GALNT13: variants seen among roughly 807,000 people sequenced by gnomAD.
The protein encoded by GALNT13 is UDP-GalNAc:polypeptide N-acetylgalactosaminyltransferase 13.
In GALNT13, 28 loss-of-function variants were observed where a neutral mutation model predicts 64.2. The observed-to-expected ratio is 0.44, with a 90% CI of 0.32 to 0.60. The LOEUF is 0.60. GALNT13 is among the 20% of genes least tolerant of loss of function. The probability of loss-of-function intolerance (pLI) is 0.05; values close to 1 mark genes in which losing one functional copy is unlikely to be tolerated. For missense variants in GALNT13, 577 were observed against 669.8 expected, an observed-to-expected ratio of 0.86 and a Z score of 1.53; for synonymous variants, 214 against 224.6, an observed-to-expected ratio of 0.95 and a Z score of 0.42.
At chr2:153,431,214 A>G in the GALNT13 span, among the ~76,000 whole-genome samples, 1 of 151,146 alleles carries the variant, frequency 6.6e-6, no homozygotes, top group Non-Finnish European at 1.5e-5. Flanking sequence ...GACAATTTTT[A>G]CTGATGTTAT....
the GALNT13 span, among the ~76,000 whole-genome samples, chr2:153,695,809 C>T: frequency 2.6e-5 from 4 of 152,060 alleles, no homozygotes; most frequent in East Asian, 3.9e-4. Context: ...TTTTATTTTA[C>T]AAGAGTTAAC....
intron 9 of GALNT13, among the ~76,000 whole-genome samples, chr2:154,313,258 A>G (rs1431612262): frequency 1.3e-5 from 2 of 148,864 alleles, no homozygotes; most frequent in Non-Finnish European, 3.0e-5. Context: ...ATATATATAT[A>G]TACACACACA....
At chr2:154,406,274 C>A (rs1456488621) in intron 10 of GALNT13, among the ~76,000 whole-genome samples, 1 of 152,066 alleles carries the variant, frequency 6.6e-6, no homozygotes, top group Non-Finnish European at 1.5e-5. Flanking sequence ...TGTTAATCAC[C>A]ATCATCTCTT....
the GALNT13 span, among the ~76,000 whole-genome samples, chr2:153,841,297 C>A: frequency 6.6e-6 from 1 of 152,000 alleles, no homozygotes; most frequent in Admixed American, 6.6e-5. Flanking sequence ...CATAGCTATT[C>A]AACTGAATCT....
the GALNT13 span, among the ~76,000 whole-genome samples, chr2:153,114,722 C>G: frequency 6.6e-6 from 1 of 152,038 alleles, no homozygotes; most frequent in Non-Finnish European, 1.5e-5. Flanking sequence ...TTTTTTTCTA[C>G]TCTTTTATTG....
the GALNT13 span, among the ~76,000 whole-genome samples, chr2:153,272,290 C>A: frequency 6.6e-6 from 1 of 152,022 alleles, no homozygotes; most frequent in Admixed American, 6.6e-5. Flanking sequence ...AATGCTTCTG[C>A]ACAGCAAAAG....
At chr2:154,269,212 C>CT (rs1424330793) in intron 8 of GALNT13, among the ~76,000 whole-genome samples, 1 of 151,982 alleles carries the variant, frequency 6.6e-6, no homozygotes, top group South Asian at 2.1e-4. Flanking sequence ...AGTATCCAGA[C>CT]TTTTTAAAAA....
At chr2:153,388,074 A>G in the GALNT13 span, among the ~76,000 whole-genome samples, 61 of 151,514 alleles carry the variant, frequency 4.0e-4, 1 homozygote, top group Non-Finnish European at 8.3e-4. Flanking sequence ...GGGAGGGAAG[A>G]GCAGGTGGAA....
intron 3 of GALNT13, among the ~76,000 whole-genome samples, chr2:154,060,240 T>C (rs569696986): frequency 2.0e-5 from 3 of 152,362 alleles, no homozygotes; most frequent in African/African-American, 7.2e-5. Flanking sequence ...ACCCAGGCTA[T>C]GCTACTTTGT....
chr2:154,446,413 TA>T (rs1029060344), intron 12 of GALNT13: 9 of 644,754 alleles, frequency 1.4e-5, no homozygotes, highest in South Asian at 3.8e-5. Flanking sequence ...TAAAGCCATC[TA>T]AAAAAATGTG....
chr2:154,298,674 G>GTATATATAAATTA (rs1559075903), intron 8 of GALNT13, among the ~76,000 whole-genome samples: 10 of 77,374 alleles, frequency 1.3e-4, no homozygotes, highest in East Asian at 5.4e-4. Context: ...TATATACATT[G>GTATATATAAATTA]TATATACAAT....
At chr2:153,987,197 CA>C (rs1694855983) in intron 3 of GALNT13, among the ~76,000 whole-genome samples, 1 of 151,856 alleles carries the variant, frequency 6.6e-6, no homozygotes, top group Admixed American at 6.6e-5. Flanking sequence ...CTGGCCTAAG[CA>C]AATGTTTAAA....
chr2:153,393,989 CA>C, the GALNT13 span, among the ~76,000 whole-genome samples: 12 of 58,742 alleles, frequency 2.0e-4, no homozygotes, highest in Non-Finnish European at 4.2e-4. Context: ...CACACACACA[CA>C]CCCCCTATTG....
chr2:154,260,272 A>C (rs1462094429), intron 8 of GALNT13, among the ~76,000 whole-genome samples: 2 of 152,286 alleles, frequency 1.3e-5, no homozygotes, highest in African/African-American at 4.8e-5. Context: ...TTATCTATGA[A>C]GTTTAAAAAT....
chr2:154,236,278 G>A, intron 4 of GALNT13: 1 of 487,440 alleles, frequency 2.1e-6, no homozygotes, highest in Non-Finnish European at 2.8e-6. Flanking sequence ...GGTTTTACAT[G>A]TTTCAAAGAG....
chr2:153,617,248 A>C, the GALNT13 span, among the ~76,000 whole-genome samples: 1 of 151,822 alleles, frequency 6.6e-6, no homozygotes, highest in Non-Finnish European at 1.5e-5. Context: ...TTCTGTACCC[A>C]GTTTTTTGAG....
At chr2:153,334,626 G>GT in the GALNT13 span, among the ~76,000 whole-genome samples, 2 of 151,770 alleles carry the variant, frequency 1.3e-5, no homozygotes, top group African/African-American at 4.8e-5. Context: ...AATTTTAGGT[G>GT]TTTTTTCAGA....
the GALNT13 span, among the ~76,000 whole-genome samples, chr2:153,234,565 C>T: frequency 6.6e-6 from 1 of 152,080 alleles, no homozygotes; most frequent in Non-Finnish European, 1.5e-5. Flanking sequence ...GGAAATTCTT[C>T]TCAGGGACTA....
chr2:153,222,612 C>T, the GALNT13 span, among the ~76,000 whole-genome samples: 2 of 152,124 alleles, frequency 1.3e-5, no homozygotes, highest in South Asian at 2.1e-4. Flanking sequence ...CTGTTCCTGC[C>T]GAGGGACACC....
Sources: allele counts gnomAD v4.1 joint callset (sites outside exome capture counted in the v4.1 genomes callset), GRCh38; gene constraint gnomAD v4.1.1; transcripts MANE v1.5; gene names NCBI Gene and HGNC (gene_info 2026-07-23, HGNC 2026-07-21).